The following PDE3A variants were observed in gnomAD, a reference collection of about 807,000 sequenced individuals.
PDE3A encodes the protein phosphodiesterase 3A, also known as cGMP-inhibited 3',5'-cyclic phosphodiesterase 3A.
A neutral mutation model predicts 98.3 loss-of-function variants in PDE3A; 43 were observed. The ratio of observed to expected loss-of-function variants is 0.44; its 90% CI spans 0.34 to 0.56. The LOEUF (loss-of-function observed/expected upper bound fraction) is 0.56, where lower values mean the gene tolerates loss of function less well. PDE3A is among the 20% of genes least tolerant of loss of function. PDE3A has a pLI of 0.01. For missense variants in PDE3A, 1,427 were observed against 1,440.7 expected (o/e 0.99, Z 0.15); for synonymous variants, 663 against 567.9 (o/e 1.17, Z -2.38).
chr12:20,462,082 C>A (rs1945261192), intron 1 of PDE3A, among the ~76,000 whole-genome samples: 1 of 152,152 alleles, frequency 6.6e-6, no homozygotes, highest in South Asian at 2.1e-4. Flanking sequence ...AATCTTGGAT[C>A]TCACATATAA....
intron 6 of PDE3A, among the ~76,000 whole-genome samples, chr12:20,632,355 G>GA (rs1231099529): frequency 1.5e-4 from 22 of 151,602 alleles, no homozygotes; most frequent in African/African-American, 3.9e-4. Flanking sequence ...CACAATTCAG[G>GA]AAAAAAAATG....
At chr12:20,665,447 G>C (rs368978929) in intron 15 of PDE3A, among the ~76,000 whole-genome samples, 10 of 152,096 alleles carry the variant, frequency 6.6e-5, no homozygotes, top group African/African-American at 2.2e-4. Flanking sequence ...GAATCATTTG[G>C]TCAAAGAAAA....
At chr12:20,591,535 C>T (rs1943338529) in intron 2 of PDE3A, among the ~76,000 whole-genome samples, 1 of 152,224 alleles carries the variant, frequency 6.6e-6, no homozygotes, top group Admixed American at 6.5e-5. Flanking sequence ...CATGATAACA[C>T]ACAGATACAA....
intron 5 of PDE3A, 121 bp downstream of exon 5, chr12:20,621,532 T>G (rs1944138031): frequency 1.7e-6 from 1 of 584,230 alleles, no homozygotes; most frequent in African/African-American, 1.9e-5. Context: ...GTTTGTCTAT[T>G]CTAATAACCA....
intron 10 of PDE3A, among the ~76,000 whole-genome samples, chr12:20,643,988 A>C (rs944666926): frequency 6.6e-6 from 1 of 152,112 alleles, no homozygotes; most frequent in African/African-American, 2.4e-5. Flanking sequence ...CTCTGCCAAC[A>C]CTGTGATACT....
Position 20,663,010 on chromosome 12 carries a change from C to T in PDE3A, c.3184+8805C>T, listed in dbSNP as rs1338570359. Among the ~76,000 whole-genome samples the T allele has an allele frequency of 2.0e-5, 3 of 152,168 alleles. No individual in the cohort carries two copies. In the East Asian group the frequency reaches 5.8e-4, roughly 29 times the overall value. On this transcript the variant is annotated intron_variant, in intron 15 of 15. Coordinates refer to ENST00000359062, the MANE Select transcript of PDE3A (RefSeq NM_000921.5). ...CCCTCTGCTGTGTGCAGCCTAGGGA[C>T]TTGGTGCCGTGAGTCCCAGCTGTTT...
intron 1 of PDE3A, among the ~76,000 whole-genome samples, chr12:20,539,083 T>C (rs1007454573): frequency 3.3e-5 from 5 of 152,226 alleles, no homozygotes; most frequent in African/African-American, 4.8e-5. Flanking sequence ...AAACTTACTT[T>C]CTAAAATGGA....
At chr12:20,444,646 A>G (rs1242787884) in intron 1 of PDE3A, among the ~76,000 whole-genome samples, 1 of 152,090 alleles carries the variant, frequency 6.6e-6, no homozygotes, top group Non-Finnish European at 1.5e-5. Context: ...TTGAAATTAA[A>G]GAAATAAAAG....
rs376491085 is a variant in PDE3A, at chr12:20,521,568, C to T, written c.961-35092C>T. 2.7e-3 allele frequency among the ~76,000 whole-genome samples: 405 copies of T among 152,104 alleles called. 4 individuals carry two copies. Among genetic ancestry groups the T allele is most frequent in the Middle Eastern group, 0.01 (3 of 294 alleles). ...AAAAGATATATGTGTGTATTTTATA[C>T]GATGCTTTGTAGTTTTGAAGTTTTG... On this transcript the variant is annotated intron_variant, in intron 1 of 15. Transcript: ENST00000359062.
intron 2 of PDE3A, among the ~76,000 whole-genome samples, chr12:20,589,457 G>C (rs1455488674): frequency 1.3e-5 from 2 of 152,094 alleles, no homozygotes; most frequent in Non-Finnish European, 2.9e-5. Context: ...TGAAATCAAT[G>C]ACCTGATAAC....
intron 1 of PDE3A, among the ~76,000 whole-genome samples, chr12:20,432,473 G>GCA (rs1217881370): frequency 6.6e-6 from 1 of 152,106 alleles, no homozygotes; most frequent in African/African-American, 2.4e-5. Context: ...AAAAAAAGGT[G>GCA]GGAGGAAACT....
intron 15 of PDE3A, among the ~76,000 whole-genome samples, chr12:20,656,236 A>C (rs577408922): frequency 1.3e-5 from 2 of 152,234 alleles, no homozygotes; most frequent in Non-Finnish European, 1.5e-5. Flanking sequence ...GCCTATTTTT[A>C]TCACAGTCAG....
At chr12:20,429,388 C>T (rs1263975301) in intron 1 of PDE3A, among the ~76,000 whole-genome samples, 2 of 152,028 alleles carry the variant, frequency 1.3e-5, no homozygotes, top group African/African-American at 4.8e-5. Context: ...CAAATTGTTC[C>T]CTGGGAGAGT....
chr12:20,570,171 G>T (rs1474980503), intron 2 of PDE3A, among the ~76,000 whole-genome samples: 1 of 152,016 alleles, frequency 6.6e-6, no homozygotes, highest in Admixed American at 6.6e-5. Flanking sequence ...GCTTTGGGAG[G>T]CCAGGTGGGT....
intron 1 of PDE3A, among the ~76,000 whole-genome samples, chr12:20,487,393 G>C (rs1945747502): frequency 6.6e-6 from 1 of 150,380 alleles, no homozygotes; most frequent in African/African-American, 2.4e-5. Context: ...GCTGGACACG[G>C]TGGCTCATGC....
intron 1 of PDE3A, among the ~76,000 whole-genome samples, chr12:20,459,119 T>TAACAGA (rs1189630427): frequency 4.6e-5 from 7 of 152,182 alleles, no homozygotes; most frequent in African/African-American, 1.7e-4. Flanking sequence ...CTCTGAAAAT[T>TAACAGA]TGTACAATGT....
intron 15 of PDE3A, among the ~76,000 whole-genome samples, chr12:20,665,229 G>T (rs935144914): frequency 6.6e-6 from 1 of 152,124 alleles, no homozygotes; most frequent in Non-Finnish European, 1.5e-5. Flanking sequence ...CTGTCAGAGG[G>T]TCACTAGAAC....
chr12:20,372,094 G>C (rs892449581), intron 1 of PDE3A, among the ~76,000 whole-genome samples: 7 of 152,104 alleles, frequency 4.6e-5, no homozygotes, highest in African/African-American at 1.7e-4. Context: ...AAGGTGGTTA[G>C]GTAAATTAAC....
intron 1 of PDE3A, among the ~76,000 whole-genome samples, chr12:20,515,795 G>C (rs924313992): frequency 1.3e-4 from 19 of 149,928 alleles, no homozygotes; most frequent in South Asian, 4.2e-4. Flanking sequence ...TGCAGTGGCG[G>C]GATCTCGGCT....
Sources: allele counts gnomAD v4.1 joint callset (sites outside exome capture counted in the v4.1 genomes callset), GRCh38; gene constraint gnomAD v4.1.1; transcripts MANE v1.5; gene names NCBI Gene and HGNC (gene_info 2026-07-23, HGNC 2026-07-21).